The following ROBO2 variants were observed in gnomAD, a reference collection of about 807,000 sequenced individuals.
ROBO2 encodes roundabout homolog 2.
ROBO2 carries 53 observed loss-of-function variants against 160.8 expected under a neutral mutation model. The observed-to-expected ratio is 0.33, with a 90% confidence interval of 0.26 to 0.41. The LOEUF (loss-of-function observed/expected upper bound fraction) is 0.41. Among genes scored for constraint, ROBO2 ranks in the 10% least tolerant of loss-of-function variants. The pLI, the probability that ROBO2 is intolerant of heterozygous loss-of-function variation, is 1.00. For synonymous variants in ROBO2, 664 were observed against 611.7 expected, an observed-to-expected ratio of 1.09 and a Z score of -1.26; for missense variants, 1,577 against 1,722.4, an observed-to-expected ratio of 0.92 and a Z score of 1.49.
chr3:76,788,063 C>G (rs1317140475), intron 2 of ROBO2, among the ~76,000 whole-genome samples: 1 of 150,886 alleles, frequency 6.6e-6, no homozygotes, highest in Non-Finnish European at 1.5e-5. Context: ...TTCTTATCAA[C>G]CTTCCCATCA....
intron 2 of ROBO2, among the ~76,000 whole-genome samples, chr3:77,284,389 C>A (rs955867192): frequency 1.3e-5 from 2 of 152,052 alleles, no homozygotes; most frequent in Admixed American, 1.3e-4. Context: ...GATGTCCCTG[C>A]GTGTGGTAAT....
chr3:76,269,759 C>T (rs1261747133), intron 2 of ROBO2, among the ~76,000 whole-genome samples: 2 of 151,896 alleles, frequency 1.3e-5, no homozygotes, highest in Admixed American at 6.6e-5. Context: ...TCGTATCTCT[C>T]GTGTCTATTT....
chr3:76,948,768 C>T (rs1233065607), intron 2 of ROBO2, among the ~76,000 whole-genome samples: 4 of 142,538 alleles, frequency 2.8e-5, no homozygotes, highest in African/African-American at 5.2e-5. Context: ...TGCAGTGGCG[C>T]GATCTTGGCT....
At chr3:76,770,795 G>A (rs985364645) in intron 2 of ROBO2, among the ~76,000 whole-genome samples, 7 of 151,264 alleles carry the variant, frequency 4.6e-5, no homozygotes, top group Non-Finnish European at 7.4e-5. Flanking sequence ...GAGTAAGAAA[G>A]ATACAGCTTA....
At chr3:76,644,358 G>C (rs549948421) in intron 2 of ROBO2, among the ~76,000 whole-genome samples, 1 of 152,242 alleles carries the variant, frequency 6.6e-6, no homozygotes, top group Admixed American at 6.5e-5. Flanking sequence ...AATATGCTTA[G>C]ACATATTAAA....
At position 76,204,652 on chromosome 3, in the gene ROBO2, A is replaced by T. The variant is rs370736178; in HGVS notation, c.109+267050A>T. Among the ~76,000 whole-genome samples, 246 of 152,322 alleles carry T rather than the reference A, an allele frequency of 1.6e-3. No homozygotes were observed. The Middle Eastern group carries it at 0.027, about 17-fold the overall frequency. Reference sequence around the variant, plus strand: ...TCTCCCACTTCTGTGTAAGTGAGCTACAAGGAGAATTTCATGTGAATTAGT... The same window carrying T: ...TCTCCCACTTCTGTGTAAGTGAGCTTCAAGGAGAATTTCATGTGAATTAGT... On this transcript the variant is annotated intron_variant, in intron 2 of 26. Transcript: ENST00000487694.
intron 2 of ROBO2, among the ~76,000 whole-genome samples, chr3:76,336,291 T>G (rs2073887007): frequency 6.6e-6 from 1 of 152,094 alleles, no homozygotes; most frequent in Admixed American, 6.5e-5. Flanking sequence ...TGCATAACGG[T>G]TTCATTCATT....
At chr3:76,060,236 C>T (rs2068025074) in intron 2 of ROBO2, among the ~76,000 whole-genome samples, 1 of 152,006 alleles carries the variant, frequency 6.6e-6, no homozygotes, top group Admixed American at 6.6e-5. Context: ...CACATCTATG[C>T]TGAATGTTCA....
intron 2 of ROBO2, among the ~76,000 whole-genome samples, chr3:76,724,133 A>G (rs2093509619): frequency 6.6e-6 from 1 of 152,132 alleles, no homozygotes; most frequent in African/African-American, 2.4e-5. Context: ...ATTCCTATTA[A>G]TTATACTTTC....
intron 1 of ROBO2, among the ~76,000 whole-genome samples, chr3:77,068,324 CA>C (rs1205880619): frequency 1.6e-4 from 24 of 152,134 alleles, no homozygotes; most frequent in Middle Eastern, 3.4e-3. Flanking sequence ...AAAACTAAGA[CA>C]ACTTTTGCCT....
intron 20 of ROBO2, among the ~76,000 whole-genome samples, chr3:77,606,331 A>G (rs1396020465): frequency 6.6e-6 from 1 of 152,208 alleles, no homozygotes; most frequent in East Asian, 1.9e-4. Flanking sequence ...TAGTAACTTT[A>G]TATCTGTTTT....
At chr3:76,707,731 G>GTGTATATATATATATATATATATA (rs376823667) in intron 2 of ROBO2, among the ~76,000 whole-genome samples, 47 of 134,154 alleles carry the variant, frequency 3.5e-4, no homozygotes, top group East Asian at 1.4e-3. Flanking sequence ...ACATGTGTGT[G>GTGTATATATATATATATATATATA]TATATATATA....
At chr3:77,258,848 A>G (rs980861927) in intron 2 of ROBO2, among the ~76,000 whole-genome samples, 1 of 152,210 alleles carries the variant, frequency 6.6e-6, no homozygotes, top group Non-Finnish European at 1.5e-5. Flanking sequence ...TCTTGGGGAC[A>G]AAATTTCTTT....
chr3:76,719,083 G>A (rs1271099147), intron 2 of ROBO2, among the ~76,000 whole-genome samples: 1 of 151,772 alleles, frequency 6.6e-6, no homozygotes, highest in African/African-American at 2.4e-5. Context: ...ATTCTACTGT[G>A]GCCCTATTTT....
intron 2 of ROBO2, among the ~76,000 whole-genome samples, chr3:76,395,175 C>T (rs2077366269): frequency 6.6e-6 from 1 of 151,432 alleles, no homozygotes; most frequent in African/African-American, 2.4e-5. Flanking sequence ...AAGAAACTCA[C>T]TCAAAACCGC....
chr3:76,483,860 C>T lies in ROBO2; in HGVS notation c.109+546258C>T, dbSNP rs572511195. Among the ~76,000 whole-genome samples the T allele has an allele frequency of 5.3e-5, 8 of 152,194 alleles. No individual in the cohort carries two copies. In the South Asian group the frequency reaches 1.7e-3, roughly 32 times the overall value. Reference sequence around the variant, plus strand: ...GTTAGTTTACTAAGAATAATGGCCTCCAGACTCATCCATGTCCCTGCAAAG... The same window carrying T: ...GTTAGTTTACTAAGAATAATGGCCTTCAGACTCATCCATGTCCCTGCAAAG... On this transcript the variant is annotated intron_variant, in intron 2 of 26. Transcript: ENST00000487694.
intron 2 of ROBO2, among the ~76,000 whole-genome samples, chr3:77,011,013 T>G (rs2061861048): frequency 6.7e-6 from 1 of 149,614 alleles, no homozygotes; most frequent in South Asian, 2.1e-4. Context: ...CTTTCATTTG[T>G]TCTTTCTTTC....
At chr3:76,688,478 C>T (rs958332630) in intron 2 of ROBO2, among the ~76,000 whole-genome samples, 1 of 151,446 alleles carries the variant, frequency 6.6e-6, no homozygotes, top group Non-Finnish European at 1.5e-5. Flanking sequence ...TATTTCCTCA[C>T]CGAGAAAATT....
At chr3:75,956,689 G>A (rs1948732666) in intron 2 of ROBO2, among the ~76,000 whole-genome samples, 1 of 151,702 alleles carries the variant, frequency 6.6e-6, no homozygotes, top group Non-Finnish European at 1.5e-5. Context: ...ATTTCCTCCA[G>A]TAAAATGTAA....
Sources: allele counts gnomAD v4.1 joint callset (sites outside exome capture counted in the v4.1 genomes callset), GRCh38; gene constraint gnomAD v4.1.1; transcripts MANE v1.5; gene names NCBI Gene and HGNC (gene_info 2026-07-23, HGNC 2026-07-21).